The following DLGAP1 variants were observed in gnomAD, a reference collection of about 807,000 sequenced individuals.
DLGAP1 encodes the protein disks large-associated protein 1.
Under a neutral mutation model 90.8 loss-of-function variants are expected in DLGAP1, and 11 were observed. That is an observed-to-expected ratio of 0.12 (90% confidence interval 0.08 to 0.20). The LOEUF is 0.20. DLGAP1 is among the 10% of genes least tolerant of loss of function. The probability of loss-of-function intolerance (pLI) is 1.00; values close to 1 mark genes in which losing one functional copy is unlikely to be tolerated. For missense variants in DLGAP1, 1,050 were observed against 1,333.8 expected (o/e 0.79, Z 3.31); for synonymous variants, 558 against 540.7 (o/e 1.03, Z -0.44).
At position 3,781,351 on chromosome 18, in the gene DLGAP1, A is replaced by AT. The variant is rs34073983; in HGVS notation, c.1172+32707dup. Among the ~76,000 whole-genome samples the AT allele has an allele frequency of 7.1e-3, 993 of 140,252 alleles. 8 individuals are homozygous for AT. Among genetic ancestry groups the AT allele is most frequent in the South Asian group, 0.016 (69 of 4,378 alleles). 92.0% of individuals were successfully genotyped at this position (140,252 alleles called of 152,430 possible). Reference sequence around the variant, plus strand: ...TGGACAGAAATTGTAGCAGCTTTCAATTTTTTTTTTTTTTTTTGAGATACA... The same window carrying AT: ...TGGACAGAAATTGTAGCAGCTTTCAATTTTTTTTTTTTTTTTTTGAGATACA... On this transcript the variant is annotated intron_variant, in intron 5 of 12. Coordinates refer to ENST00000315677, the MANE Select transcript of DLGAP1 (RefSeq NM_004746.4).
chr18:3,511,506 G>A (rs1409703784), intron 10 of DLGAP1, among the ~76,000 whole-genome samples: 2 of 151,496 alleles, frequency 1.3e-5, no homozygotes, highest in Non-Finnish European at 2.9e-5. Flanking sequence ...GAAGCATCTC[G>A]ATGTTGTTTT....
chr18:4,067,531 T>A (rs2075387349), intron 2 of DLGAP1, among the ~76,000 whole-genome samples: 1 of 151,946 alleles, frequency 6.6e-6, no homozygotes, highest in Non-Finnish European at 1.5e-5. Flanking sequence ...CAAAGCAGAC[T>A]CTTTGTAGCA....
chr18:3,649,753 G>C (rs890173975), intron 7 of DLGAP1, among the ~76,000 whole-genome samples: 1 of 151,918 alleles, frequency 6.6e-6, no homozygotes, highest in Non-Finnish European at 1.5e-5. Context: ...AGTTGGAAAA[G>C]AGGAGGAGGG....
chr18:3,635,698 A>G (rs1274445938), intron 7 of DLGAP1, among the ~76,000 whole-genome samples: 1 of 151,396 alleles, frequency 6.6e-6, no homozygotes, highest in Admixed American at 6.6e-5. Context: ...TAACCCCCTA[A>G]CTTTGAATTC....
chr18:4,286,782 T>C (rs1160604128), intron 1 of DLGAP1, among the ~76,000 whole-genome samples: 3 of 151,660 alleles, frequency 2.0e-5, no homozygotes, highest in Admixed American at 2.0e-4. Context: ...GCAAGACAAA[T>C]GAGGGAAATA....
At chr18:4,155,511 C>T (rs1214632794) in intron 1 of DLGAP1, among the ~76,000 whole-genome samples, 2 of 152,168 alleles carry the variant, frequency 1.3e-5, no homozygotes, top group South Asian at 4.1e-4. Context: ...TTTTCTCCCA[C>T]AGTTGCTGTT....
intron 6 of DLGAP1, among the ~76,000 whole-genome samples, chr18:3,740,951 T>C (rs1257311658): frequency 7.0e-4 from 60 of 86,198 alleles, no homozygotes; most frequent in Admixed American, 1.7e-3. Flanking sequence ...CTGCCACCAC[T>C]GTCACCACCA....
chr18:3,739,218 C>T (rs1317325037), intron 6 of DLGAP1, among the ~76,000 whole-genome samples: 8 of 149,216 alleles, frequency 5.4e-5, no homozygotes, highest in Non-Finnish European at 1.0e-4. Flanking sequence ...GTCAGTGTGG[C>T]GATTCCTCAG....
At chr18:3,976,796 G>T (rs2073590703) in intron 3 of DLGAP1, among the ~76,000 whole-genome samples, 1 of 152,064 alleles carries the variant, frequency 6.6e-6, no homozygotes, top group Non-Finnish European at 1.5e-5. Context: ...CAAAAACTCT[G>T]TATTAAATTA....
At chr18:3,690,165 C>A (rs1234248068) in intron 7 of DLGAP1, among the ~76,000 whole-genome samples, 2 of 145,758 alleles carry the variant, frequency 1.4e-5, no homozygotes, top group East Asian at 2.0e-4. Context: ...CAGCTCACTG[C>A]GGACTCGAAC....
intron 7 of DLGAP1, among the ~76,000 whole-genome samples, chr18:3,639,365 A>AGAAAAGAAAAGAAAC (rs1294234067): frequency 2.4e-5 from 3 of 124,552 alleles, no homozygotes; most frequent in African/African-American, 8.4e-5. Flanking sequence ...AAAAGAGAAA[A>AGAAAAGAAAAGAAAC]GAAAAGAAAA....
At chr18:3,614,811 T>C (rs1284714248) in intron 7 of DLGAP1, among the ~76,000 whole-genome samples, 1 of 146,136 alleles carries the variant, frequency 6.8e-6, no homozygotes, top group East Asian at 2.1e-4. Flanking sequence ...ATAGTGCCAC[T>C]GCACTCCAGC....
chr18:4,137,989 A>G (rs536001148), intron 2 of DLGAP1, among the ~76,000 whole-genome samples: 7 of 152,206 alleles, frequency 4.6e-5, no homozygotes, highest in African/African-American at 1.7e-4. Context: ...TGAATTTATC[A>G]GTTGTAATAG....
chr18:3,926,411 TATATATATATACACAC>T (rs1371655232), intron 3 of DLGAP1, among the ~76,000 whole-genome samples: 13 of 51,654 alleles, frequency 2.5e-4, no homozygotes, highest in Non-Finnish European at 4.6e-4. Flanking sequence ...CATATATATA[TATATATATATACACAC>T]ACACACACAC....
intron 1 of DLGAP1, among the ~76,000 whole-genome samples, chr18:4,312,810 C>T (rs2080433400): frequency 6.6e-6 from 1 of 151,902 alleles, no homozygotes; most frequent in Admixed American, 6.6e-5. Flanking sequence ...TTTGTTATTC[C>T]TAAGTTTTAC....
intron 1 of DLGAP1, among the ~76,000 whole-genome samples, chr18:4,411,211 G>A (rs577421810): frequency 6.6e-6 from 1 of 152,128 alleles, no homozygotes; most frequent in African/African-American, 2.4e-5. Context: ...GTTTCCTGGA[G>A]AACTCAAGAA....
chr18:3,922,367 C>T (rs2072286177), intron 3 of DLGAP1, among the ~76,000 whole-genome samples: 1 of 152,036 alleles, frequency 6.6e-6, no homozygotes, highest in African/African-American at 2.4e-5. Flanking sequence ...AAGTCTTTAC[C>T]CCTGGAGAAG....
intron 1 of DLGAP1, among the ~76,000 whole-genome samples, chr18:4,212,921 A>G (rs1185013225): frequency 2.0e-5 from 3 of 152,186 alleles, no homozygotes; most frequent in Non-Finnish European, 2.9e-5. Context: ...TAAATAAGAG[A>G]TTCTGTCATC....
At chr18:4,151,982 T>C (rs2076682126) in intron 1 of DLGAP1, among the ~76,000 whole-genome samples, 2 of 152,026 alleles carry the variant, frequency 1.3e-5, no homozygotes, top group South Asian at 2.1e-4. Context: ...AAAATAATAA[T>C]AATATTAAAA....
Sources: allele counts gnomAD v4.1 joint callset (sites outside exome capture counted in the v4.1 genomes callset), GRCh38; gene constraint gnomAD v4.1.1; transcripts MANE v1.5; gene names NCBI Gene and HGNC (gene_info 2026-07-23, HGNC 2026-07-21).